Variants in ESRRG observed in about 807,000 individuals in gnomAD.
ESRRG encodes estrogen related receptor gamma, also known as estrogen-related receptor gamma.
In ESRRG, 13 loss-of-function variants were observed where a neutral mutation model predicts 44.0. The ratio of observed to expected loss-of-function variants is 0.30; its 90% CI spans 0.19 to 0.47. ESRRG has a LOEUF of 0.47. Among genes scored for constraint, ESRRG ranks in the 20% least tolerant of loss-of-function variants. The probability of loss-of-function intolerance (pLI) is 1.00; values close to 1 mark genes in which losing one functional copy is unlikely to be tolerated. For missense variants in ESRRG, 395 were observed against 580.6 expected (o/e 0.68, Z 3.29); for synonymous variants, 215 against 214.6 (o/e 1.00, Z -0.02).
intron 1 of ESRRG, among the ~76,000 whole-genome samples, chr1:216,951,670 A>ATT (rs1467548080): frequency 1.3e-5 from 2 of 151,822 alleles, no homozygotes; most frequent in African/African-American, 4.8e-5. Context: ...AGAATCCCAG[A>ATT]TTTAACTACT....
chr1:216,521,546 C>A (rs766829856), intron 5 of ESRRG, among the ~76,000 whole-genome samples: 2 of 152,108 alleles, frequency 1.3e-5, no homozygotes, highest in Non-Finnish European at 2.9e-5. Flanking sequence ...GCTCCCAAGT[C>A]GCAGTTTCTC....
intron 1 of ESRRG, among the ~76,000 whole-genome samples, chr1:216,998,443 A>G (rs1364241718): frequency 6.6e-6 from 1 of 152,180 alleles, no homozygotes; most frequent in Non-Finnish European, 1.5e-5. Context: ...TACCATCCTC[A>G]TTTCATGGAG....
intron 2 of ESRRG, among the ~76,000 whole-genome samples, chr1:216,659,923 A>T (rs933186661): frequency 6.6e-6 from 1 of 152,056 alleles, no homozygotes; most frequent in Non-Finnish European, 1.5e-5. Flanking sequence ...CAAGTCAATG[A>T]CCCATAGGAA....
At chr1:216,937,322 G>C (rs1191304914) in intron 2 of ESRRG, among the ~76,000 whole-genome samples, 1 of 152,104 alleles carries the variant, frequency 6.6e-6, no homozygotes, top group African/African-American at 2.4e-5. Flanking sequence ...ATAAAAATAG[G>C]CTTGAACAAT....
chr1:216,721,019 T>G (rs573980835), intron 1 of ESRRG, among the ~76,000 whole-genome samples: 2 of 152,348 alleles, frequency 1.3e-5, no homozygotes, highest in East Asian at 3.9e-4. Context: ...TCATTTAGAA[T>G]GATTAGACTG....
At chr1:216,929,509 G>A (rs1286492974) in intron 2 of ESRRG, among the ~76,000 whole-genome samples, 1 of 152,180 alleles carries the variant, frequency 6.6e-6, no homozygotes, top group East Asian at 1.9e-4. Context: ...GGGAGTGCTT[G>A]AAGAAATGTT....
intron 2 of ESRRG, among the ~76,000 whole-genome samples, chr1:216,752,028 G>T (rs2092065455): frequency 6.6e-6 from 1 of 152,042 alleles, no homozygotes; most frequent in South Asian, 2.1e-4. Context: ...CTGTGGCTTG[G>T]TTACTTCAAG....
At chr1:217,003,510 T>C (rs1028022473) in intron 1 of ESRRG, among the ~76,000 whole-genome samples, 6 of 150,722 alleles carry the variant, frequency 4.0e-5, no homozygotes, top group Non-Finnish European at 8.9e-5. Flanking sequence ...GTAAGCTTTA[T>C]TTGCTTGTCT....
intron 1 of ESRRG, among the ~76,000 whole-genome samples, chr1:216,996,000 CAA>C (rs1482217649): frequency 6.6e-6 from 1 of 151,886 alleles, no homozygotes; most frequent in African/African-American, 2.4e-5. Flanking sequence ...AAAGGAAAAT[CAA>C]GTAATAACCT....
At chr1:216,989,721 G>A (rs1055492700) in intron 1 of ESRRG, among the ~76,000 whole-genome samples, 7 of 152,134 alleles carry the variant, frequency 4.6e-5, no homozygotes, top group Admixed American at 1.3e-4. Flanking sequence ...GAAAAAGTGT[G>A]TCCCTGCAGC....
intron 1 of ESRRG, among the ~76,000 whole-genome samples, chr1:217,123,052 G>A (rs1042446160): frequency 6.6e-6 from 1 of 152,016 alleles, no homozygotes; most frequent in Non-Finnish European, 1.5e-5. Context: ...GTTGTTGAGA[G>A]CAACTATTTG....
intron 2 of ESRRG, among the ~76,000 whole-genome samples, chr1:216,935,960 A>G (rs985861875): frequency 6.6e-6 from 1 of 152,062 alleles, no homozygotes; most frequent in Admixed American, 6.6e-5. Context: ...GGCATGGTCG[A>G]TTATTAACTC....
At chr1:216,575,402 T>A (rs1392020981) in intron 3 of ESRRG, among the ~76,000 whole-genome samples, 1 of 152,064 alleles carries the variant, frequency 6.6e-6, no homozygotes, top group Non-Finnish European at 1.5e-5. Flanking sequence ...CATACCTACC[T>A]CCTCTCCCTA....
chr1:216,858,068 C>T (rs935502175), intron 2 of ESRRG, among the ~76,000 whole-genome samples: 5 of 152,020 alleles, frequency 3.3e-5, no homozygotes, highest in Non-Finnish European at 4.4e-5. Flanking sequence ...CTTTTTCAAG[C>T]ACAATTGTAA....
At chr1:216,755,948 C>T (rs1214019366) in intron 2 of ESRRG, among the ~76,000 whole-genome samples, 1 of 152,074 alleles carries the variant, frequency 6.6e-6, no homozygotes, top group East Asian at 1.9e-4. Context: ...GACCCTGGCC[C>T]CCCTGCACAT....
intron 2 of ESRRG, among the ~76,000 whole-genome samples, chr1:216,848,515 A>G (rs1020399967): frequency 2.6e-5 from 4 of 151,942 alleles, no homozygotes; most frequent in African/African-American, 9.7e-5. Context: ...TCATATAACC[A>G]TTTCCATACA....
rs568183262 is a variant in ESRRG, at chr1:216,969,328, G to A, written c.-105-29655C>T. Among the ~76,000 whole-genome samples, 8 of 151,954 alleles carry A rather than the reference G, an allele frequency of 5.3e-5. No homozygotes were observed. In the East Asian group the frequency reaches 5.8e-4, roughly 11 times the overall value. On this transcript the variant is annotated intron_variant, in intron 1 of 7. Transcript: ENST00000359162. ...GTATTCGATGAATGAATGACTAAACGAATGAATGAATGTTGAAATTTTCTG... is the reference window on the plus strand; with the variant it reads ...GTATTCGATGAATGAATGACTAAACAAATGAATGAATGTTGAAATTTTCTG...
rs376701865 is a variant in ESRRG, at chr1:216,516,668, C to CACACACACAGAG, written c.1132+2483_1132+2484insCTCTGTGTGTGT. Among the ~76,000 whole-genome samples, 135 of 137,230 alleles carry CACACACACAGAG rather than the reference C, an allele frequency of 9.8e-4. 2 individuals carry two copies. The highest frequency in any genetic ancestry group is 3.2e-3 in the African/African-American group (109 of 34,052). 90.0% of individuals were successfully genotyped at this position (137,230 alleles called of 152,430 possible). ...ACACACACACACACACACACACACA[C>CACACACACAGAG]AGAGAGAGAGAGAGAAACGACAAAA... On this transcript the variant is annotated intron_variant, in intron 6 of 6. Transcript: ENST00000408911.
chr1:216,831,043 G>A lies in ESRRG; in HGVS notation c.-14+108539C>T, dbSNP rs532133211. ...AGGTGGGGAGGTTGGGGGAGGAAAC[G>A]CATCACACAATGTTTGAGTGATTTT... On this transcript the variant is annotated intron_variant, in intron 2 of 7. Transcript: ENST00000359162. Among the ~76,000 whole-genome samples the A allele has an allele frequency of 4.6e-5, 7 of 151,856 alleles. No homozygotes were observed. In the South Asian group the frequency reaches 1.5e-3, roughly 32 times the overall value.
Sources: gnomAD v4.1 joint callset for allele counts (sites outside exome capture counted in the v4.1 genomes callset) on GRCh38, gnomAD v4.1.1 for gene constraint, MANE v1.5 for transcripts, NCBI Gene and HGNC (gene_info 2026-07-23, HGNC 2026-07-21) for gene names.